The following FGD6 variants were observed in gnomAD, a reference collection of about 807,000 sequenced individuals.
FGD6 encodes FYVE, RhoGEF and PH domain containing 6.
In FGD6, 90 loss-of-function variants were observed where a neutral mutation model predicts 149.4. The observed-to-expected ratio is 0.60, with a 90% CI of 0.51 to 0.72. FGD6 has a LOEUF of 0.72. FGD6 is among the 30% of genes least tolerant of loss of function. The pLI, the probability that FGD6 is intolerant of heterozygous loss-of-function variation, is 0.00. For missense variants in FGD6, 1,437 were observed against 1,684.8 expected, an observed-to-expected ratio of 0.85 and a Z score of 2.57; for synonymous variants, 527 against 584.0, an observed-to-expected ratio of 0.90 and a Z score of 1.41.
chr12:95,119,304 T>A (rs1251503577), intron 8 of FGD6, among the ~76,000 whole-genome samples: 1 of 152,054 alleles, frequency 6.6e-6, no homozygotes, highest in Non-Finnish European at 1.5e-5. Flanking sequence ...TTTTGTTGAA[T>A]AAAATAAAAA....
chr12:95,100,919 A>G, intron 14 of FGD6: 2 of 368,036 alleles, frequency 5.4e-6, no homozygotes, highest in Admixed American at 3.2e-5. Context: ...TGCTCCTGAC[A>G]AGAAACTGAA....
intron 1 of FGD6, among the ~76,000 whole-genome samples, 191 bp downstream of exon 1, chr12:95,217,034 A>C (rs534943496): frequency 6.6e-6 from 1 of 152,312 alleles, no homozygotes; most frequent in African/African-American, 2.4e-5. Flanking sequence ...CGGGTTTCCA[A>C]ACAGCCCCTC....
At chr12:95,164,748 T>C (rs1372538051) in intron 3 of FGD6, among the ~76,000 whole-genome samples, 2 of 152,088 alleles carry the variant, frequency 1.3e-5, no homozygotes, top group African/African-American at 2.4e-5. Context: ...TACTTTTTAA[T>C]AGAATTATTA....
chr12:95,195,193 C>A (rs1881706108), intron 2 of FGD6, among the ~76,000 whole-genome samples: 2 of 152,244 alleles, frequency 1.3e-5, no homozygotes, highest in East Asian at 3.9e-4. Context: ...CTCTCTGAAG[C>A]ACCTGATTAG....
intron 3 of FGD6, among the ~76,000 whole-genome samples, chr12:95,160,357 A>G (rs976376007): frequency 6.6e-6 from 1 of 152,198 alleles, no homozygotes; most frequent in Non-Finnish European, 1.5e-5. Flanking sequence ...CTATAATAAA[A>G]AAACAAACAA....
At chr12:95,188,044 T>C (rs1303173926) in intron 2 of FGD6, among the ~76,000 whole-genome samples, 7 of 152,218 alleles carry the variant, frequency 4.6e-5, no homozygotes, top group African/African-American at 1.2e-4. Context: ...AATGATCACA[T>C]TGATGCGACA....
chr12:95,194,547 T>G (rs1305070902), intron 2 of FGD6, among the ~76,000 whole-genome samples: 5 of 151,546 alleles, frequency 3.3e-5, no homozygotes, highest in African/African-American at 1.2e-4. Flanking sequence ...ATATAACATT[T>G]TTAAACAACA....
In FGD6 at chr12:95,108,368, C is replaced by T; in HGVS notation, c.3244G>A (p.Glu1082Lys). 2 of 1,614,052 alleles carry T rather than the reference C, an allele frequency of 1.2e-6. No individual in the cohort carries two copies. Among genetic ancestry groups the T allele is most frequent in the Non-Finnish European group, 1.7e-6 (2 of 1,180,008 alleles). The change falls in exon 11 of 21, where the codon GAA becomes AAA. Residue 1082 changes from glutamate to lysine, a missense_variant. By Grantham distance (56) the Glu-to-Lys change is moderately conservative. Transcript: ENST00000343958. Reference sequence around the variant, plus strand: ...CTTACCCGACCAGGCTGCACAATTTCATGGTGTCCATTTAAGCTGTACTGA... The same window carrying T: ...CTTACCCGACCAGGCTGCACAATTTTATGGTGTCCATTTAAGCTGTACTGA... ...QIQYSLNGHHEIVQPGRVFLK... is the reference protein window; with the variant it reads ...QIQYSLNGHHKIVQPGRVFLK...
chr12:95,091,239 A>G (rs1878044743), intron 17 of FGD6, among the ~76,000 whole-genome samples: 1 of 152,240 alleles, frequency 6.6e-6, no homozygotes, highest in East Asian at 1.9e-4. Flanking sequence ...GGGAAATAGG[A>G]AGTATCATTT....
chr12:95,097,673 C>T lies in FGD6; in HGVS notation c.3498-2979G>A, dbSNP rs994173880. On this transcript the variant is annotated intron_variant, in intron 14 of 20. Coordinates refer to ENST00000343958, the MANE Select transcript of FGD6 (RefSeq NM_018351.4). ...AAAAAAAAAAAAGACCATGCCACAC[C>T]ATTTACTACATGGACTAACTGCAGG... Among the ~76,000 whole-genome samples the T allele has an allele frequency of 1.3e-5, 2 of 149,654 alleles. 1 individual carries two copies. The highest frequency in any genetic ancestry group is 4.3e-4 in the South Asian group (2 of 4,672).
intron 1 of FGD6, among the ~76,000 whole-genome samples, chr12:95,213,535 A>C (rs2056738110): frequency 6.6e-6 from 1 of 152,260 alleles, no homozygotes; most frequent in Admixed American, 6.5e-5. Flanking sequence ...AATTTATCTT[A>C]TGTGCTATTT....
chr12:95,081,439 A>G lies in FGD6; in HGVS notation c.*81T>C. 7.9e-7 allele frequency: 1 copy of G among 1,265,072 alleles called. No homozygotes were observed. The highest frequency in any genetic ancestry group is 1.5e-5 in the African/African-American group (1 of 66,772). 78.4% of individuals were successfully genotyped at this position (1,265,072 alleles called of 1,614,324 possible). On this transcript the variant is annotated 3_prime_UTR_variant, in exon 21 of 21. Coordinates refer to ENST00000343958, the MANE Select transcript of FGD6 (RefSeq NM_018351.4). ...CTTTATCTTGGCAGTGTTCATTTTTATACAATTTTTGAATTGCATTTACTC... is the reference window on the plus strand; with the variant it reads ...CTTTATCTTGGCAGTGTTCATTTTTGTACAATTTTTGAATTGCATTTACTC...
chr12:95,201,259 A>G (rs1244095667), intron 2 of FGD6, among the ~76,000 whole-genome samples: 1 of 152,066 alleles, frequency 6.6e-6, no homozygotes, highest in Non-Finnish European at 1.5e-5. Context: ...AGGGAGATAA[A>G]AGTTCATCTC....
chr12:95,095,586 G>C (rs1000079517), intron 14 of FGD6, among the ~76,000 whole-genome samples: 1 of 151,830 alleles, frequency 6.6e-6, no homozygotes, highest in Non-Finnish European at 1.5e-5. Context: ...AAGGGAGAGG[G>C]AATGAGAGAA....
chr12:95,143,630 A>T (rs1053375243), intron 5 of FGD6, among the ~76,000 whole-genome samples: 7 of 152,188 alleles, frequency 4.6e-5, no homozygotes, highest in African/African-American at 1.4e-4. Context: ...AACCAAATGG[A>T]TATCAGCCAT....
chr12:95,176,000 A>G (rs1410709910), intron 2 of FGD6, among the ~76,000 whole-genome samples: 1 of 152,170 alleles, frequency 6.6e-6, no homozygotes, highest in Non-Finnish European at 1.5e-5. Flanking sequence ...AGCAAAATCT[A>G]GGATCCACAT....
rs996303617 is a variant in FGD6 at position 95,078,373 on chromosome 12, A to G, written c.*3147T>C. 6.6e-6 allele frequency: 1 copy of G among 152,248 alleles called. No homozygotes were observed. The highest frequency in any genetic ancestry group is 6.5e-5 in the Admixed American group (1 of 15,280). The allele number at this position is 152,248 out of a possible 1,614,324, so 9.4% of individuals were successfully genotyped here. On this transcript the variant is annotated 3_prime_UTR_variant, in exon 21 of 21. Coordinates refer to ENST00000343958, the MANE Select transcript of FGD6 (RefSeq NM_018351.4). ...GAAGCACACTCCAAAACATACCAAC[A>G]TATGCTGTGATATAACATTTACATT...
At chr12:95,166,489 G>C (rs942963831) in intron 3 of FGD6, among the ~76,000 whole-genome samples, 8 of 152,116 alleles carry the variant, frequency 5.3e-5, no homozygotes, top group South Asian at 2.1e-4. Context: ...CAGGAGGATT[G>C]CTTGAAGCCA....
chr12:95,193,394 A>G (rs10745719), intron 2 of FGD6, among the ~76,000 whole-genome samples: 132,564 of 151,510 alleles, frequency 0.87, 58,337 homozygotes, highest in African/African-American at 0.96. Context: ...TTTCGCTTTC[A>G]TCACCCAGGC....
Sources: gnomAD v4.1 joint callset for allele counts (sites outside exome capture counted in the v4.1 genomes callset) on GRCh38, gnomAD v4.1.1 for gene constraint, MANE v1.5 for transcripts, NCBI Gene and HGNC (gene_info 2026-07-23, HGNC 2026-07-21) for gene names.